Variants in MPI observed in about 807,000 individuals in gnomAD.
MPI encodes mannose phosphate isomerase, also known as mannose-6-phosphate isomerase.
MPI carries 33 observed loss-of-function variants against 40.1 expected under a neutral mutation model. The ratio of observed to expected loss-of-function variants is 0.82; its 90% CI spans 0.62 to 1.10. MPI has a LOEUF of 1.10. MPI is among the 50% of genes least tolerant of loss of function. The pLI is 0.00. For synonymous variants in MPI, 187 were observed against 207.4 expected (o/e 0.90, Z 0.85); for missense variants, 514 against 524.1 (o/e 0.98, Z 0.19).
rs918509370 is a variant in MPI at position 74,898,406 on chromosome 15, C to G, written c.*676C>G. The G allele has an allele frequency of 5.9e-6, 1 of 169,184 alleles. No homozygotes were observed. The highest frequency in any genetic ancestry group is 1.3e-5 in the Non-Finnish European group (1 of 76,446). The allele number at this position is 169,184 out of a possible 1,614,324, so 10.5% of individuals were successfully genotyped here. On this transcript the variant is annotated 3_prime_UTR_variant, in exon 8 of 8. Transcript: ENST00000352410. ...GGGAAGGAGTGGGAGAGGAAGCCAGCTTTGGCCTCACAGGCACAGCTTGCA... is the reference window on the plus strand; with the variant it reads ...GGGAAGGAGTGGGAGAGGAAGCCAGGTTTGGCCTCACAGGCACAGCTTGCA...
intron 5 of MPI, chr15:74,893,624 C>T: frequency 1.7e-6 from 1 of 596,956 alleles, no homozygotes. Flanking sequence ...CCTGCAGCTG[C>T]CCTCCATGGA....
chr15:74,901,925 G>A lies in MPI; in HGVS notation c.*4195G>A. ...AGCAGTTTTTCTCTAACTAGGGAAGGGCAAACCAGAATCACTAAACTCACC... is the reference window on the plus strand; with the variant it reads ...AGCAGTTTTTCTCTAACTAGGGAAGAGCAAACCAGAATCACTAAACTCACC... On this transcript the variant is annotated 3_prime_UTR_variant, in exon 8 of 8. Transcript: ENST00000352410. 1 of 395,544 alleles carries A rather than the reference G, an allele frequency of 2.5e-6. No individual in the cohort carries two copies. Among genetic ancestry groups the A allele is most frequent in the Non-Finnish European group, 4.5e-6 (1 of 224,688 alleles). 24.5% of individuals were successfully genotyped at this position (395,544 alleles called of 1,614,324 possible). A position where few individuals can be genotyped will look rare whatever the true frequency, so the allele number is the denominator to read the frequency against.
chr15:74,890,225 C>G, intron 1 of MPI, 136 bp downstream of exon 1: 1 of 1,287,330 alleles, frequency 7.8e-7, no homozygotes, highest in South Asian at 1.2e-5. Context: ...AGAGGTGTGG[C>G]CACCTGCGAT....
chr15:74,895,949 T>G (rs1189707064), intron 5 of MPI: 2 of 611,558 alleles, frequency 3.3e-6, no homozygotes, highest in East Asian at 5.6e-5. Flanking sequence ...CAAGATATGA[T>G]GAAAGATGGT....
chr15:74,890,162 G>T, intron 1 of MPI, 73 bp downstream of exon 1: 1 of 1,587,910 alleles, frequency 6.3e-7, no homozygotes, highest in Non-Finnish European at 8.6e-7. Flanking sequence ...GGCATTATCG[G>T]CCAGGTTGAG....
intron 1 of MPI, 185 bp downstream of exon 1, chr15:74,890,274 T>C: frequency 1.0e-6 from 1 of 958,716 alleles, no homozygotes; most frequent in Non-Finnish European, 1.6e-6. Context: ...CTTCTAGACG[T>C]CGTGCCGTGG....
At chr15:74,894,039 A>AGTGT (rs1163375284) in intron 5 of MPI, among the ~76,000 whole-genome samples, 9 of 56,980 alleles carry the variant, frequency 1.6e-4, no homozygotes, top group Non-Finnish European at 2.3e-4. Context: ...TTTTCTGTTC[A>AGTGT]GTGTGTGTGT....
At chr15:74,892,884 A>G in intron 4 of MPI, 82 bp downstream of exon 4, 1 of 1,603,784 alleles carries the variant, frequency 6.2e-7, no homozygotes, top group Non-Finnish European at 8.5e-7. Context: ...AGTGGCTGAG[A>G]ACGGGTCACA....
At chr15:74,893,580 C>G (rs1246326157) in intron 5 of MPI, 1 of 608,062 alleles carries the variant, frequency 1.6e-6, no homozygotes, top group Non-Finnish European at 3.0e-6. Flanking sequence ...TCTTAGGATG[C>G]CTTCCACCTA....
At chr15:74,897,344 GC>G in intron 7 of MPI, 125 bp downstream of exon 7, 1 of 1,348,064 alleles carries the variant, frequency 7.4e-7, no homozygotes, top group Non-Finnish European at 1.0e-6. Flanking sequence ...TGGCCCCAGG[GC>G]CTGCCCATTC....
chr15:74,891,038 AT>A (rs1395233724), intron 2 of MPI: 1 of 568,998 alleles, frequency 1.8e-6, no homozygotes, highest in Admixed American at 2.2e-5. Context: ...TGGAAGATGT[AT>A]GTTAACCCCT....
chr15:74,894,108 G>GTGTGTGGTGT (rs71140108), intron 5 of MPI, among the ~76,000 whole-genome samples: 1 of 22,584 alleles, frequency 4.4e-5, no homozygotes, highest in Non-Finnish European at 9.0e-5. Context: ...GTGTGTGTGT[G>GTGTGTGGTGT]GTCTCTTTCT....
In MPI at chr15:74,897,613, G is replaced by A; in HGVS notation, c.1155G>A (p.Gln385=). The part of the protein sequence containing the change: ...GTVIASTPTT[Q]TPIPLQRGGV... ...TAATAGCCAGCACACCCACAACCCA[G>A]ACACCAATCCCTCTGCAACGTGGTG... The change falls in exon 8 of 8, where the codon CAG becomes CAA. Residue 385 remains glutamine (Q), a synonymous_variant. Coordinates refer to ENST00000352410, the MANE Select transcript of MPI (RefSeq NM_002435.3). 1 of 1,614,212 alleles carries A rather than the reference G, an allele frequency of 6.2e-7. No homozygotes were observed. Among genetic ancestry groups the A allele is most frequent in the South Asian group, 1.1e-5 (1 of 91,090 alleles).
Position 74,899,708 on chromosome 15 carries a change from C to A in MPI, c.*1978C>A, listed in dbSNP as rs1448851752. The A allele has an allele frequency of 6.6e-6, 1 of 152,224 alleles. No individual in the cohort carries two copies. 9.4% of individuals were successfully genotyped at this position (152,224 alleles called of 1,614,324 possible). On this transcript the variant is annotated 3_prime_UTR_variant, in exon 8 of 8. Coordinates refer to ENST00000352410, the MANE Select transcript of MPI (RefSeq NM_002435.3). ...GTGGCGCGATAGCTCACTGCAACCTCCGCCCACTGGGTTCAAGCGATTCTT... is the reference window on the plus strand; with the variant it reads ...GTGGCGCGATAGCTCACTGCAACCTACGCCCACTGGGTTCAAGCGATTCTT...
rs2064903498 is a variant in MPI, at chr15:74,900,373, TACA to T, written c.*2649_*2651del. On this transcript the variant is annotated 3_prime_UTR_variant, in exon 8 of 8. Coordinates refer to ENST00000352410, the MANE Select transcript of MPI (RefSeq NM_002435.3). The stretch of plus-strand genomic sequence containing the variant: ...AGCTGAATATGCCAGAGCTGATTAT[TACA>T]ACAACGATGCAGAGGGCCTTGGTTT... The T allele has an allele frequency of 6.6e-6, 1 of 152,254 alleles. No individual in the cohort carries two copies. Among genetic ancestry groups the T allele is most frequent in the Non-Finnish European group, 1.5e-5 (1 of 68,088 alleles). The allele number at this position is 152,254 out of a possible 1,614,324, so 9.4% of individuals were successfully genotyped here.
chr15:74,892,954 G>C, intron 4 of MPI, 152 bp downstream of exon 4: 1 of 1,364,970 alleles, frequency 7.3e-7, no homozygotes, highest in South Asian at 1.2e-5. Context: ...CCAGGCCAGT[G>C]AGACCAGGCT....
chr15:74,897,336 GC>G, intron 7 of MPI, 117 bp downstream of exon 7: 1 of 1,373,020 alleles, frequency 7.3e-7, no homozygotes. Flanking sequence ...GCGGAGGGTG[GC>G]CCCAGGGCCT....
intron 4 of MPI, 113 bp from the exon 5 acceptor site, chr15:74,893,025 C>T (rs1567266247): frequency 7.0e-7 from 1 of 1,436,100 alleles, no homozygotes; most frequent in East Asian, 2.3e-5. Flanking sequence ...GTTTACTTAG[C>T]ATTGCCGGCT....
At chr15:74,890,445 C>T in intron 1 of MPI, 82 bp from the exon 2 acceptor site, 3 of 1,590,184 alleles carry the variant, frequency 1.9e-6, no homozygotes, top group Non-Finnish European at 1.7e-6. Context: ...CAGTGAGCAC[C>T]CCCAGCTCTT....
Sources: allele counts gnomAD v4.1 joint callset (sites outside exome capture counted in the v4.1 genomes callset), GRCh38; gene constraint gnomAD v4.1.1; transcripts MANE v1.5; gene names NCBI Gene and HGNC (gene_info 2026-07-23, HGNC 2026-07-21).